The following PTPRD variants were observed in gnomAD, a reference collection of about 807,000 sequenced individuals.
The protein encoded by PTPRD is receptor-type tyrosine-protein phosphatase delta.
PTPRD carries 34 observed loss-of-function variants against 214.5 expected under a neutral mutation model. The ratio of observed to expected loss-of-function variants is 0.16; its 90% confidence interval spans 0.12 to 0.21. The LOEUF (loss-of-function observed/expected upper bound fraction) is 0.21. Among genes scored for constraint, PTPRD ranks in the 10% least tolerant of loss-of-function variants. The probability of loss-of-function intolerance (pLI) is 1.00; values close to 1 mark genes in which losing one functional copy is unlikely to be tolerated. For synonymous variants in PTPRD, 1,128 were observed against 845.7 expected, an observed-to-expected ratio of 1.33 and a Z score of -5.79; for missense variants, 2,545 against 2,398.7, an observed-to-expected ratio of 1.06 and a Z score of -1.27.
intron 11 of PTPRD, among the ~76,000 whole-genome samples, chr9:8,833,019 A>C (rs1038573950): frequency 6.6e-6 from 1 of 152,138 alleles, no homozygotes; most frequent in Non-Finnish European, 1.5e-5. Flanking sequence ...AGATGAAAAA[A>C]AAATCAGCAA....
chr9:8,642,099 T>A (rs1344455241), intron 12 of PTPRD, among the ~76,000 whole-genome samples: 1 of 152,202 alleles, frequency 6.6e-6, no homozygotes, highest in Non-Finnish European at 1.5e-5. Flanking sequence ...GAATGCAATT[T>A]ATGAGAAATT....
chr9:9,655,890 A>C (rs1287514092), intron 7 of PTPRD, among the ~76,000 whole-genome samples: 1 of 152,126 alleles, frequency 6.6e-6, no homozygotes, highest in Admixed American at 6.5e-5. Flanking sequence ...AGGTAGGAGA[A>C]TTGCTTAAAC....
At chr9:8,427,690 A>T (rs865802452) in intron 35 of PTPRD, among the ~76,000 whole-genome samples, 22 of 151,658 alleles carry the variant, frequency 1.5e-4, no homozygotes, top group African/African-American at 4.9e-4. Flanking sequence ...GATTATTATT[A>T]TTATTTTTTT....
intron 3 of PTPRD, among the ~76,000 whole-genome samples, chr9:10,090,543 G>C (rs1240195520): frequency 6.6e-6 from 1 of 150,644 alleles, no homozygotes; most frequent in Non-Finnish European, 1.5e-5. Flanking sequence ...ATTTTCATTT[G>C]ATACATATTT....
In PTPRD at chr9:10,562,635, A is replaced by G. The variant is rs181084966; in HGVS notation, c.-600+49763T>C. Among the ~76,000 whole-genome samples, 26 of 152,260 alleles carry G rather than the reference A, an allele frequency of 1.7e-4. No homozygotes were observed. In the East Asian group the frequency reaches 5.0e-3, roughly 29 times the overall value. On this transcript the variant is annotated intron_variant, in intron 2 of 45. Transcript: ENST00000381196. Reference sequence around the variant, plus strand: ...AGAAAGTTAATACGTCATTAAATTTATTTTCCATATATTTATAGAAAACTG... The same window carrying G: ...AGAAAGTTAATACGTCATTAAATTTGTTTTCCATATATTTATAGAAAACTG...
Position 8,528,597 on chromosome 9 carries a change from G to T in PTPRD, c.535C>A (p.Arg179=). Reference sequence around the variant, plus strand: ...AACAGTAACAAGACCCTACCTGATCGTAACTGCTTAATACGACCATTGTTG... The same window carrying T: ...AACAGTAACAAGACCCTACCTGATCTTAACTGCTTAATACGACCATTGTTG... The part of the protein sequence containing the change: ...SNNNGRIKQL[R]SESIGGTPIR... Residue 179 remains arginine, a synonymous_variant, in exon 15 of 46, where the codon CGA becomes AGA. Coordinates refer to ENST00000381196, the MANE Select transcript of PTPRD (RefSeq NM_002839.4). 1 of 1,613,556 alleles carries T rather than the reference G, an allele frequency of 6.2e-7. No homozygotes were observed. Among genetic ancestry groups the T allele is most frequent in the Non-Finnish European group, 8.5e-7 (1 of 1,179,654 alleles).
chr9:9,878,263 T>G (rs1040506797), intron 5 of PTPRD, among the ~76,000 whole-genome samples: 1 of 152,202 alleles, frequency 6.6e-6, no homozygotes, highest in African/African-American at 2.4e-5. Flanking sequence ...ATATGTCATG[T>G]ACTAGTTATT....
rs2099837593 is a variant in PTPRD at position 9,128,506 on chromosome 9, T to C, written c.-143+54798A>G. Among the ~76,000 whole-genome samples the C allele has an allele frequency of 3.3e-5, 5 of 152,332 alleles. No individual in the cohort carries two copies. In the South Asian group the frequency reaches 1.0e-3, roughly 32 times the overall value. Reference sequence around the variant, plus strand: ...TAACATCATGGCCCATTATCTCACTTATTTTGTGGCTAAATGATACAAGGC... The same window carrying C: ...TAACATCATGGCCCATTATCTCACTCATTTTGTGGCTAAATGATACAAGGC... On this transcript the variant is annotated intron_variant, in intron 10 of 45. Coordinates refer to ENST00000381196, the MANE Select transcript of PTPRD (RefSeq NM_002839.4).
chr9:10,165,235 C>T (rs557605137), intron 3 of PTPRD, among the ~76,000 whole-genome samples: 1 of 151,754 alleles, frequency 6.6e-6, no homozygotes, highest in Non-Finnish European at 1.5e-5. Context: ...GAAGTAACAT[C>T]AAGTTAATCT....
intron 3 of PTPRD, among the ~76,000 whole-genome samples, chr9:10,170,101 T>C (rs10114268): frequency 0.096 from 14,637 of 152,170 alleles, 812 homozygotes; most frequent in South Asian, 0.17. Flanking sequence ...CAAAGAATGA[T>C]AGAGAAACTT....
chr9:10,600,216 T>A (rs370856202), intron 2 of PTPRD, among the ~76,000 whole-genome samples: 8 of 151,884 alleles, frequency 5.3e-5, no homozygotes, highest in East Asian at 3.9e-4. Flanking sequence ...AGATCTTTTT[T>A]AATTGGTAAT....
chr9:9,320,951 A>G (rs1207553234), intron 9 of PTPRD, among the ~76,000 whole-genome samples: 2 of 152,202 alleles, frequency 1.3e-5, no homozygotes, highest in African/African-American at 4.8e-5. Context: ...AAGAACAGAA[A>G]GTGAACAGAC....
chr9:8,649,762 T>G (rs1292437855), intron 12 of PTPRD, among the ~76,000 whole-genome samples: 1 of 152,224 alleles, frequency 6.6e-6, no homozygotes, highest in Non-Finnish European at 1.5e-5. Flanking sequence ...ACAATACATA[T>G]TTCCTAAGGA....
chr9:9,041,182 T>G (rs145439827), intron 10 of PTPRD, among the ~76,000 whole-genome samples: 2,193 of 152,258 alleles, frequency 0.014, 29 homozygotes, highest in East Asian at 0.038. Flanking sequence ...ATTAAAAAAA[T>G]ATAACTCTCA....
chr9:9,962,139 A>C (rs1355953792), intron 4 of PTPRD, among the ~76,000 whole-genome samples: 1 of 152,148 alleles, frequency 6.6e-6, no homozygotes, highest in African/African-American at 2.4e-5. Flanking sequence ...GTTAATGATT[A>C]AAAGAATACT....
At chr9:9,853,138 A>G (rs969861838) in intron 5 of PTPRD, among the ~76,000 whole-genome samples, 1 of 152,214 alleles carries the variant, frequency 6.6e-6, no homozygotes, top group African/African-American at 2.4e-5. Context: ...AAGGAGTGCT[A>G]AATATTTTCT....
chr9:9,418,221 T>A (rs567922429), intron 8 of PTPRD, among the ~76,000 whole-genome samples: 2 of 152,014 alleles, frequency 1.3e-5, no homozygotes, highest in Non-Finnish European at 1.5e-5. Flanking sequence ...AAATGCTCAA[T>A]GATGTATTTC....
At chr9:8,859,550 A>G (rs1315980797) in intron 11 of PTPRD, among the ~76,000 whole-genome samples, 1 of 152,200 alleles carries the variant, frequency 6.6e-6, no homozygotes, top group Non-Finnish European at 1.5e-5. Context: ...GCACATACAC[A>G]CAATACTTAT....
chr9:10,474,887 C>A (rs143365710), intron 2 of PTPRD, among the ~76,000 whole-genome samples: 7 of 151,698 alleles, frequency 4.6e-5, no homozygotes, highest in Admixed American at 4.6e-4. Context: ...AATGACTACT[C>A]GGTAAATAAA....
Sources: allele counts gnomAD v4.1 joint callset (sites outside exome capture counted in the v4.1 genomes callset), GRCh38; gene constraint gnomAD v4.1.1; transcripts MANE v1.5; gene names NCBI Gene and HGNC (gene_info 2026-07-23, HGNC 2026-07-21).